RAB3C: variants seen among roughly 807,000 people sequenced by gnomAD.
RAB3C encodes the protein RAB3C, member RAS oncogene family.
Under a neutral mutation model 26.4 loss-of-function variants are expected in RAB3C, and 17 were observed. The observed-to-expected ratio is 0.64, with a 90% confidence interval of 0.44 to 0.97. RAB3C has a LOEUF of 0.97. Ranked by LOEUF, RAB3C falls within the 50% of genes least tolerant of loss-of-function variation. The pLI, the probability that RAB3C is intolerant of heterozygous loss-of-function variation, is 0.00. For missense variants in RAB3C, 242 were observed against 281.9 expected (o/e 0.86, Z 1.01); for synonymous variants, 91 against 95.9 (o/e 0.95, Z 0.30).
chr5:58,640,456 A>G (rs1437699413), intron 2 of RAB3C, among the ~76,000 whole-genome samples: 2 of 152,186 alleles, frequency 1.3e-5, no homozygotes, highest in African/African-American at 2.4e-5. Context: ...AGACTATATT[A>G]TTTCTATTTG....
At chr5:58,851,102 A>C in intron 4 of RAB3C, 62 bp from the exon 5 acceptor site, 1 of 1,482,238 alleles carries the variant, frequency 6.7e-7, no homozygotes, top group Non-Finnish European at 9.2e-7. Context: ...AGCCATAATC[A>C]AGTCCCATTT....
rs1347724010 is a variant in RAB3C at position 58,858,164 on chromosome 5, G to A, written c.*6813G>A. Reference sequence around the variant, plus strand: ...TGGCTGGAGATTGACATGTGAGGATGTGCCAATCATATTAAATGGATTTGG... The same window carrying A: ...TGGCTGGAGATTGACATGTGAGGATATGCCAATCATATTAAATGGATTTGG... On this transcript the variant is annotated 3_prime_UTR_variant, in exon 5 of 5. Coordinates refer to ENST00000282878, the MANE Select transcript of RAB3C (RefSeq NM_138453.4). 6.6e-6 allele frequency: 1 copy of A among 152,166 alleles called. No homozygotes were observed. Among genetic ancestry groups the A allele is most frequent in the African/African-American group, 2.4e-5 (1 of 41,436 alleles). The allele number at this position is 152,166 out of a possible 1,614,324, so 9.4% of individuals were successfully genotyped here.
At chr5:58,682,701 A>G (rs924622031) in intron 2 of RAB3C, among the ~76,000 whole-genome samples, 5 of 152,030 alleles carry the variant, frequency 3.3e-5, no homozygotes, top group Admixed American at 6.5e-5. Flanking sequence ...AAAAAGAAAA[A>G]AAAAAAAAAA....
intron 3 of RAB3C, among the ~76,000 whole-genome samples, chr5:58,795,578 G>C (rs1047021415): frequency 6.6e-6 from 1 of 152,018 alleles, no homozygotes; most frequent in Non-Finnish European, 1.5e-5. Flanking sequence ...TTCATTCTGG[G>C]TGAAGGGCCA....
intron 1 of RAB3C, among the ~76,000 whole-genome samples, chr5:58,615,951 C>T (rs192269899): frequency 3.3e-5 from 5 of 150,082 alleles, no homozygotes; most frequent in African/African-American, 1.2e-4. Flanking sequence ...CCTTTTTCCT[C>T]AGTTTTCTGT....
chr5:58,657,719 G>A (rs184162066), intron 2 of RAB3C, among the ~76,000 whole-genome samples: 4 of 152,296 alleles, frequency 2.6e-5, no homozygotes, highest in Admixed American at 2.6e-4. Context: ...GAATCCTCTG[G>A]AGGATTTCAA....
intron 2 of RAB3C, among the ~76,000 whole-genome samples, chr5:58,725,290 T>C (rs1740863849): frequency 6.6e-6 from 1 of 151,888 alleles, no homozygotes; most frequent in African/African-American, 2.4e-5. Flanking sequence ...GAGAAGCCTG[T>C]TGTCAGACAA....
At chr5:58,832,318 G>A (rs1465966642) in intron 4 of RAB3C, among the ~76,000 whole-genome samples, 2 of 152,214 alleles carry the variant, frequency 1.3e-5, no homozygotes, top group Admixed American at 6.5e-5. Flanking sequence ...AACAACCACT[G>A]AGCTGAAATA....
intron 3 of RAB3C, among the ~76,000 whole-genome samples, chr5:58,804,930 A>C (rs921862475): frequency 6.6e-6 from 1 of 151,552 alleles, no homozygotes; most frequent in Non-Finnish European, 1.5e-5. Context: ...ATTGACCTAT[A>C]CTGAATGTTC....
At chr5:58,635,104 A>G (rs1747262562) in intron 2 of RAB3C, among the ~76,000 whole-genome samples, 1 of 152,228 alleles carries the variant, frequency 6.6e-6, no homozygotes, top group Admixed American at 6.5e-5. Context: ...TTTTCTGTCC[A>G]GTGTTCAGTG....
intron 3 of RAB3C, among the ~76,000 whole-genome samples, chr5:58,805,609 G>GAA (rs1742923818): frequency 7.1e-6 from 1 of 140,506 alleles, no homozygotes; most frequent in Non-Finnish European, 1.6e-5. Context: ...AAAAAAGAGA[G>GAA]AGAGAGAAAA....
chr5:58,841,485 C>T (rs1476466015), intron 4 of RAB3C, among the ~76,000 whole-genome samples: 1 of 151,978 alleles, frequency 6.6e-6, no homozygotes, highest in Non-Finnish European at 1.5e-5. Flanking sequence ...AAGGGTGGAC[C>T]CCAGAGGTAG....
chr5:58,609,047 G>A (rs969283214), intron 1 of RAB3C, among the ~76,000 whole-genome samples: 1 of 152,106 alleles, frequency 6.6e-6, no homozygotes, highest in Admixed American at 6.6e-5. Context: ...TTGGGGAGTG[G>A]GGAGGAGGGG....
intron 3 of RAB3C, among the ~76,000 whole-genome samples, chr5:58,759,878 C>G (rs564593468): frequency 6.6e-6 from 1 of 152,314 alleles, no homozygotes; most frequent in East Asian, 1.9e-4. Context: ...AGAGCATAAA[C>G]TACCTGATGG....
chr5:58,790,654 C>T (rs558044010), intron 3 of RAB3C, among the ~76,000 whole-genome samples: 2 of 152,196 alleles, frequency 1.3e-5, no homozygotes, highest in African/African-American at 2.4e-5. Flanking sequence ...TCTGCTTCCC[C>T]GTTGATGCAA....
At chr5:58,740,213 T>C (rs1741247724) in intron 3 of RAB3C, among the ~76,000 whole-genome samples, 1 of 152,156 alleles carries the variant, frequency 6.6e-6, no homozygotes, top group Non-Finnish European at 1.5e-5. Flanking sequence ...TATTACAGGA[T>C]TTTTGCTAAG....
chr5:58,812,373 C>G (rs548593704), intron 3 of RAB3C, among the ~76,000 whole-genome samples: 2 of 152,156 alleles, frequency 1.3e-5, no homozygotes, highest in African/African-American at 4.8e-5. Context: ...TCAGGCCCCA[C>G]CCCAGACCTC....
intron 4 of RAB3C, among the ~76,000 whole-genome samples, chr5:58,827,202 C>G (rs1225675190): frequency 6.6e-6 from 1 of 152,222 alleles, no homozygotes; most frequent in South Asian, 2.1e-4. Context: ...AATAGATCCC[C>G]AAAGAAAGAG....
At chr5:58,649,530 A>G (rs1398781469) in intron 2 of RAB3C, among the ~76,000 whole-genome samples, 1 of 151,824 alleles carries the variant, frequency 6.6e-6, no homozygotes, top group African/African-American at 2.4e-5. Context: ...TCTCCACCTT[A>G]CTGTCTGCCC....
Sources: allele counts gnomAD v4.1 joint callset (sites outside exome capture counted in the v4.1 genomes callset), GRCh38; gene constraint gnomAD v4.1.1; transcripts MANE v1.5; gene names NCBI Gene and HGNC (gene_info 2026-07-23, HGNC 2026-07-21).